Variants in KCNH8 observed in about 807,000 individuals in gnomAD.
KCNH8 encodes the protein potassium voltage-gated channel subfamily H member 8, also known as voltage-gated delayed rectifier potassium channel KCNH8.
A neutral mutation model predicts 103.6 loss-of-function variants in KCNH8; 70 were observed. The ratio of observed to expected loss-of-function variants is 0.68; its 90% CI spans 0.56 to 0.82. The LOEUF (loss-of-function observed/expected upper bound fraction) is 0.82, where lower values mean the gene tolerates loss of function less well. Ranked by LOEUF, KCNH8 falls within the 40% of genes least tolerant of loss-of-function variation. KCNH8 has a pLI of 0.00. For synonymous variants in KCNH8, 498 were observed against 489.4 expected (o/e 1.02, Z -0.23); for missense variants, 1,217 against 1,329.9 (o/e 0.92, Z 1.32).
At chr3:19,148,856 A>G (rs2125176293) in intron 1 of KCNH8, 61 bp downstream of exon 1, 5 of 1,435,226 alleles carry the variant, frequency 3.5e-6, no homozygotes, top group Non-Finnish European at 3.9e-6. Flanking sequence ...TCTCGTACAC[A>G]TTACTTTTGC....
At chr3:19,484,976 AG>A (rs958564601) in intron 11 of KCNH8, among the ~76,000 whole-genome samples, 14 of 152,156 alleles carry the variant, frequency 9.2e-5, no homozygotes, top group African/African-American at 3.4e-4. Context: ...ACAATACCAT[AG>A]GAAGGGCCTG....
At chr3:19,213,869 C>T (rs559872309) in intron 1 of KCNH8, among the ~76,000 whole-genome samples, 7 of 152,146 alleles carry the variant, frequency 4.6e-5, no homozygotes, top group Non-Finnish European at 1.0e-4. Flanking sequence ...GAAGTCTACT[C>T]CAGTATCAAG....
chr3:19,351,128 G>A (rs1294780464), intron 5 of KCNH8, among the ~76,000 whole-genome samples: 2 of 151,776 alleles, frequency 1.3e-5, no homozygotes, highest in Non-Finnish European at 1.5e-5. Context: ...TGGAAGAAGG[G>A]GTATCAGTGA....
intron 7 of KCNH8, among the ~76,000 whole-genome samples, chr3:19,437,348 G>T (rs985564683): frequency 2.3e-4 from 35 of 152,042 alleles, no homozygotes; most frequent in Admixed American, 3.3e-4. Flanking sequence ...ATATTATTAA[G>T]CTTATACTTG....
chr3:19,191,688 T>C (rs969760415), intron 1 of KCNH8, among the ~76,000 whole-genome samples: 8 of 151,816 alleles, frequency 5.3e-5, no homozygotes, highest in Non-Finnish European at 1.0e-4. Context: ...TGTTAAACTT[T>C]TTGTCCTCTA....
At chr3:19,420,519 T>C (rs987852104) in intron 7 of KCNH8, among the ~76,000 whole-genome samples, 4 of 152,320 alleles carry the variant, frequency 2.6e-5, no homozygotes, top group African/African-American at 9.6e-5. Flanking sequence ...GCTAATTTCA[T>C]TAATTTTTAA....
intron 7 of KCNH8, among the ~76,000 whole-genome samples, chr3:19,426,530 G>A (rs111959510): frequency 6.6e-6 from 1 of 150,538 alleles, no homozygotes; most frequent in Non-Finnish European, 1.5e-5. Context: ...CTGATAATCA[G>A]AATTGTCCTA....
chr3:19,528,800 G>A (rs1481110915), intron 15 of KCNH8, among the ~76,000 whole-genome samples: 1 of 152,080 alleles, frequency 6.6e-6, no homozygotes, highest in Non-Finnish European at 1.5e-5. Flanking sequence ...GATTTGCTGA[G>A]TGCATGTTGT....
intron 1 of KCNH8, among the ~76,000 whole-genome samples, chr3:19,250,680 T>C (rs1467800636): frequency 6.6e-6 from 1 of 152,214 alleles, no homozygotes; most frequent in Non-Finnish European, 1.5e-5. Flanking sequence ...TATTCCAACC[T>C]AACCATTTCA....
chr3:19,497,574 T>A (rs1263594358), intron 11 of KCNH8, among the ~76,000 whole-genome samples: 1 of 152,202 alleles, frequency 6.6e-6, no homozygotes, highest in Non-Finnish European at 1.5e-5. Flanking sequence ...TAATGTTGAT[T>A]TCTGTTTTTA....
At chr3:19,235,481 G>A (rs1559435601) in intron 1 of KCNH8, among the ~76,000 whole-genome samples, 1 of 152,154 alleles carries the variant, frequency 6.6e-6, no homozygotes, top group Admixed American at 6.5e-5. Flanking sequence ...AATTGAGGAA[G>A]CAATGTTGGC....
chr3:19,173,173 T>A (rs1559408195), intron 1 of KCNH8, among the ~76,000 whole-genome samples: 1 of 149,286 alleles, frequency 6.7e-6, no homozygotes, highest in East Asian at 2.0e-4. Flanking sequence ...GCATCTCATT[T>A]AAAAAAAAAA....
At chr3:19,318,951 T>C (rs2065313758) in intron 3 of KCNH8, among the ~76,000 whole-genome samples, 2 of 151,992 alleles carry the variant, frequency 1.3e-5, no homozygotes, top group South Asian at 4.1e-4. Context: ...TTGTATATCT[T>C]CTTTTGAGAC....
At chr3:19,301,067 C>A (rs1216948857) in intron 3 of KCNH8, among the ~76,000 whole-genome samples, 1 of 151,212 alleles carries the variant, frequency 6.6e-6, no homozygotes, top group Non-Finnish European at 1.5e-5. Flanking sequence ...GTGGTATGAG[C>A]AATATTATTA....
At chr3:19,253,995 C>T in intron 2 of KCNH8, 108 bp downstream of exon 2, 1 of 718,938 alleles carries the variant, frequency 1.4e-6, no homozygotes, top group Non-Finnish European at 2.4e-6. Context: ...ATTTCACATA[C>T]ATGCAGGCTG....
At chr3:19,279,514 G>T (rs1289454048) in intron 2 of KCNH8, among the ~76,000 whole-genome samples, 1 of 150,736 alleles carries the variant, frequency 6.6e-6, no homozygotes, top group African/African-American at 2.4e-5. Context: ...ATTGAAATGA[G>T]ATTGCCATGG....
intron 15 of KCNH8, among the ~76,000 whole-genome samples, chr3:19,527,623 C>A (rs927514526): frequency 2.6e-5 from 4 of 152,016 alleles, no homozygotes; most frequent in African/African-American, 9.7e-5. Flanking sequence ...ATTTCTAAAC[C>A]AACAGAAGTT....
chr3:19,336,181 A>G (rs138086643), intron 3 of KCNH8, among the ~76,000 whole-genome samples: 17 of 151,858 alleles, frequency 1.1e-4, no homozygotes, highest in African/African-American at 4.1e-4. Context: ...CATTTTAGGT[A>G]TTAATTTTTC....
At chr3:19,229,343 C>T (rs2063967406) in intron 1 of KCNH8, among the ~76,000 whole-genome samples, 1 of 152,216 alleles carries the variant, frequency 6.6e-6, no homozygotes, top group African/African-American at 2.4e-5. Context: ...GTGCCCTACC[C>T]CTGCAGCAAG....
Sources: gnomAD v4.1 joint callset for allele counts (sites outside exome capture counted in the v4.1 genomes callset) on GRCh38, gnomAD v4.1.1 for gene constraint, MANE v1.5 for transcripts, NCBI Gene and HGNC (gene_info 2026-07-23, HGNC 2026-07-21) for gene names.